Variants in CTDP1 observed in about 807,000 individuals in gnomAD.
CTDP1 encodes CTD phosphatase 1.
A neutral mutation model predicts 91.8 loss-of-function variants in CTDP1; 47 were observed. The ratio of observed to expected loss-of-function variants is 0.51; its 90% CI spans 0.41 to 0.65. The LOEUF (loss-of-function observed/expected upper bound fraction) is 0.65, where lower values mean the gene tolerates loss of function less well. Ranked by LOEUF, CTDP1 falls within the 30% of genes least tolerant of loss-of-function variation. The pLI is 0.00. For synonymous variants in CTDP1, 656 were observed against 598.5 expected (o/e 1.10, Z -1.40); for missense variants, 1,272 against 1,373.7 (o/e 0.93, Z 1.17).
chr18:79,737,724 G>C (rs2086695467), intron 12 of CTDP1, among the ~76,000 whole-genome samples: 1 of 152,128 alleles, frequency 6.6e-6, no homozygotes. Flanking sequence ...AGGCATTTTG[G>C]GTGCCGTCTG....
chr18:79,714,438 T>C (rs2122626375), intron 7 of CTDP1, 53 bp from the exon 8 acceptor site: 1 of 1,590,090 alleles, frequency 6.3e-7, no homozygotes, highest in South Asian at 1.1e-5. Context: ...TGGAACGTTA[T>C]TTAATGTTTA....
chr18:79,743,390 G>A (rs1389881255), intron 12 of CTDP1, among the ~76,000 whole-genome samples: 1 of 152,112 alleles, frequency 6.6e-6, no homozygotes, highest in Non-Finnish European at 1.5e-5. Flanking sequence ...GCTGGACATG[G>A]CAGCATGCGC....
At chr18:79,731,998 C>T (rs951664616) in intron 11 of CTDP1, among the ~76,000 whole-genome samples, 2 of 146,426 alleles carry the variant, frequency 1.4e-5, no homozygotes, top group Non-Finnish European at 3.0e-5. Flanking sequence ...TCCCAAAATC[C>T]CATGAGATGT....
chr18:79,705,367 A>G (rs1271776957), intron 5 of CTDP1, among the ~76,000 whole-genome samples: 2 of 152,108 alleles, frequency 1.3e-5, no homozygotes, highest in Admixed American at 1.3e-4. Context: ...CGTGAATGCC[A>G]GGCTACGGTG....
intron 10 of CTDP1, among the ~76,000 whole-genome samples, chr18:79,728,081 A>G (rs1374583465): frequency 1.3e-5 from 2 of 152,048 alleles, no homozygotes; most frequent in Non-Finnish European, 1.5e-5. Context: ...CAAGCACAAG[A>G]TTTACCTTTT....
In CTDP1 at chr18:79,754,069, G is replaced by A. The variant is rs149590706; in HGVS notation, c.*279G>A. The A allele has an allele frequency of 5.8e-5, 28 of 485,062 alleles. No homozygotes were observed. In the East Asian group the frequency reaches 5.9e-4, roughly 10 times the overall value. The allele number at this position is 485,062 out of a possible 1,614,324, so 30.0% of individuals were successfully genotyped here. A position where few individuals can be genotyped will look rare whatever the true frequency, so the allele number is the denominator to read the frequency against. On this transcript the variant is annotated 3_prime_UTR_variant, in exon 13 of 13. Transcript: ENST00000613122. ...TCACGTGGCCCAGGCTGGTGCGCCCGCTGTCTCGGTAAGGGGCGGGTTGGT... is the reference window on the plus strand; with the variant it reads ...TCACGTGGCCCAGGCTGGTGCGCCCACTGTCTCGGTAAGGGGCGGGTTGGT...
intron 5 of CTDP1, among the ~76,000 whole-genome samples, chr18:79,707,981 T>C (rs2122580539): frequency 6.6e-6 from 1 of 152,390 alleles, no homozygotes; most frequent in East Asian, 1.9e-4. Flanking sequence ...TAACAGACTT[T>C]AGATCTAGCG....
At chr18:79,721,330 C>T (rs960698830) in intron 10 of CTDP1, among the ~76,000 whole-genome samples, 5 of 152,148 alleles carry the variant, frequency 3.3e-5, no homozygotes, top group Non-Finnish European at 5.9e-5. Flanking sequence ...AACAGCAGGG[C>T]GGAACCTGGC....
intron 12 of CTDP1, among the ~76,000 whole-genome samples, chr18:79,738,280 G>A (rs926034872): frequency 6.6e-6 from 1 of 152,192 alleles, no homozygotes; most frequent in Non-Finnish European, 1.5e-5. Flanking sequence ...GCTTTGTCTT[G>A]CCCGCCTGTT....
chr18:79,730,640 A>G (rs970438879), intron 11 of CTDP1, among the ~76,000 whole-genome samples: 1 of 152,234 alleles, frequency 6.6e-6, no homozygotes, highest in Admixed American at 6.5e-5. Flanking sequence ...TGTTCTGTGC[A>G]TGGGAGAGAG....
chr18:79,697,759 G>A (rs2122507324), intron 3 of CTDP1, 101 bp from the exon 4 acceptor site: 1 of 1,542,942 alleles, frequency 6.5e-7, no homozygotes, highest in South Asian at 1.1e-5. Context: ...GGGGCTGGAG[G>A]GGAACACATT....
At position 79,753,658 on chromosome 18, in the gene CTDP1, C is replaced by T. The variant is rs1227854821; in HGVS notation, c.2754C>T (p.His918=). The change falls in exon 13 of 13, where the codon CAC becomes CAT. Residue 918 remains histidine, a synonymous_variant. Coordinates refer to ENST00000613122, the MANE Select transcript of CTDP1 (RefSeq NM_004715.5). ...SAAGGRGPRG[H]KRKLNEEDAA... is the part of the protein sequence containing the mutation. ...CATGTTTGCTTCTCTGCAGAGGCCA[C>T]AAGAGGAAGCTGAATGAAGAGGACG... 1 of 1,614,166 alleles carries T rather than the reference C, an allele frequency of 6.2e-7. No individual in the cohort carries two copies. The highest frequency in any genetic ancestry group is 1.1e-5 in the South Asian group (1 of 91,080).
At position 79,728,926 on chromosome 18, in the gene CTDP1, C is replaced by T. The variant is rs1308512383; in HGVS notation, c.2437C>T (p.Pro813Ser). ...TTTCAGAGCGGTTCCGCCACCCCAG[C>T]CGCAGATGTTTGGTGAAGAGCTGCC... Reference protein sequence around the residue: ...SSFRAVPPPQPQMFGEELPDA... With the variant: ...SSFRAVPPPQSQMFGEELPDA... The change falls in exon 11 of 13, where the codon CCG (proline) becomes TCG (serine). Residue 813 changes from proline to serine, a missense_variant. This residue lies in a region of CTDP1 where 881 missense variants were observed against 911.6 expected (regional missense o/e 0.97). Coordinates refer to ENST00000613122, the MANE Select transcript of CTDP1 (RefSeq NM_004715.5). 6.2e-7 allele frequency: 1 copy of T among 1,614,014 alleles called. No homozygotes were observed. Among genetic ancestry groups the T allele is most frequent in the Non-Finnish European group, 8.5e-7 (1 of 1,180,044 alleles).
chr18:79,684,022 C>T (rs868221049), intron 1 of CTDP1, among the ~76,000 whole-genome samples: 8 of 152,370 alleles, frequency 5.3e-5, no homozygotes, highest in Middle Eastern at 3.4e-3. Context: ...GAAAACATAG[C>T]ATTAAATCTG....
chr18:79,693,698 C>CCCGCACCGTGTGTCCTCAGCA (rs1568177554), intron 1 of CTDP1, among the ~76,000 whole-genome samples: 1 of 152,158 alleles, frequency 6.6e-6, no homozygotes, highest in East Asian at 1.9e-4. Flanking sequence ...GGCTCGGAGC[C>CCCGCACCGTGTGTCCTCAGCA]CCGCACCGTG....
intron 5 of CTDP1, among the ~76,000 whole-genome samples, chr18:79,705,588 G>A (rs1375145512): frequency 1.3e-5 from 2 of 151,456 alleles, no homozygotes; most frequent in East Asian, 3.9e-4. Context: ...GGGACAGTGC[G>A]GGACGGCGAC....
Position 79,714,506 on chromosome 18 carries a change from G to A in CTDP1, c.1046G>A (p.Gly349Asp), listed in dbSNP as rs1324376964. The A allele has an allele frequency of 2.5e-6, 4 of 1,613,104 alleles. No individual in the cohort carries two copies. The Admixed American group carries it at 5.0e-5, about 20-fold the overall frequency. Residue 349 changes from glycine to aspartate, a missense_variant, in exon 8 of 13, where the codon GGC becomes GAC. By Grantham distance (94) the Gly-to-Asp change is moderately conservative (BLOSUM62 -1). Coordinates refer to ENST00000613122, the MANE Select transcript of CTDP1 (RefSeq NM_004715.5). ...QTRKKVNHSR[G>D]TEVSEPSPPV... ...GCATATTTAGTAAATCATTCTCGAG[G>A]CACTGAGGTCTCAGAGCCATCTCCG...
At chr18:79,701,507 C>T (rs1007317424) in intron 4 of CTDP1, among the ~76,000 whole-genome samples, 2 of 145,012 alleles carry the variant, frequency 1.4e-5, no homozygotes, top group African/African-American at 5.1e-5. Context: ...AAGACTCCAT[C>T]TCAAAAAAAA....
chr18:79,708,674 A>G (rs993893663), intron 5 of CTDP1, among the ~76,000 whole-genome samples: 2 of 152,266 alleles, frequency 1.3e-5, no homozygotes, highest in East Asian at 1.9e-4. Context: ...TGCTTCATGC[A>G]TAACTAACGG....
Sources: gnomAD v4.1 joint callset for allele counts (sites outside exome capture counted in the v4.1 genomes callset) on GRCh38, gnomAD v4.1.1 for gene constraint, gnomAD v4.1.1 regional missense constraint, MANE v1.5 for transcripts, NCBI Gene and HGNC (gene_info 2026-07-23, HGNC 2026-07-21) for gene names.